Variants in ZNF804A observed in about 807,000 individuals in gnomAD.
ZNF804A encodes zinc finger protein 804A.
In ZNF804A, 2 loss-of-function variants were observed where a neutral mutation model predicts 16.5. The ratio of observed to expected loss-of-function variants is 0.12; its 90% CI spans 0.05 to 0.38. ZNF804A has a LOEUF of 0.38. Among genes scored for constraint, ZNF804A ranks in the 10% least tolerant of loss-of-function variants. The pLI is 0.99. For missense variants in ZNF804A, 1,473 were observed against 1,390.7 expected (o/e 1.06, Z -0.94); for synonymous variants, 534 against 489.6 (o/e 1.09, Z -1.20).
At chr2:184,644,059 T>C (rs999850741) in intron 1 of ZNF804A, among the ~76,000 whole-genome samples, 1 of 151,808 alleles carries the variant, frequency 6.6e-6, no homozygotes, top group Admixed American at 6.6e-5. Flanking sequence ...AGGTGAATCA[T>C]GTTAATTCAG....
At chr2:184,778,057 T>C (rs1161364441) in intron 1 of ZNF804A, among the ~76,000 whole-genome samples, 1 of 151,684 alleles carries the variant, frequency 6.6e-6, no homozygotes, top group Non-Finnish European at 1.5e-5. Flanking sequence ...GTTTAGAAGA[T>C]TCTACATTGG....
intron 1 of ZNF804A, among the ~76,000 whole-genome samples, chr2:184,829,900 A>G (rs1327363442): frequency 1.1e-5 from 1 of 94,352 alleles, no homozygotes; most frequent in Non-Finnish European, 2.1e-5. Flanking sequence ...TGTCTCTACC[A>G]AAAAAAAAAA....
chr2:184,832,979 T>G (rs946578290), intron 1 of ZNF804A, among the ~76,000 whole-genome samples: 1 of 152,018 alleles, frequency 6.6e-6, no homozygotes, highest in South Asian at 2.1e-4. Flanking sequence ...TTTATTGGAC[T>G]TATGCAAGAA....
At chr2:184,664,081 G>T (rs1254514935) in intron 1 of ZNF804A, among the ~76,000 whole-genome samples, 1 of 152,088 alleles carries the variant, frequency 6.6e-6, no homozygotes, top group Non-Finnish European at 1.5e-5. Context: ...AAACTATTTT[G>T]TATGTTTTAT....
intron 1 of ZNF804A, among the ~76,000 whole-genome samples, chr2:184,696,409 G>A (rs1427158336): frequency 6.6e-6 from 1 of 152,138 alleles, no homozygotes; most frequent in Non-Finnish European, 1.5e-5. Context: ...GGGCAAGTTA[G>A]AAATAAATGT....
chr2:184,691,056 A>T (rs1692717438), intron 1 of ZNF804A, among the ~76,000 whole-genome samples: 1 of 152,040 alleles, frequency 6.6e-6, no homozygotes, highest in Non-Finnish European at 1.5e-5. Flanking sequence ...TTTAAAAATA[A>T]GATATATTTA....
intron 1 of ZNF804A, among the ~76,000 whole-genome samples, chr2:184,762,922 T>C (rs1340318965): frequency 6.6e-6 from 1 of 152,182 alleles, no homozygotes; most frequent in Non-Finnish European, 1.5e-5. Flanking sequence ...CCAAGCATAC[T>C]CCTTAAATTA....
intron 1 of ZNF804A, among the ~76,000 whole-genome samples, chr2:184,607,567 T>C (rs563104980): frequency 6.6e-6 from 1 of 152,062 alleles, no homozygotes; most frequent in Non-Finnish European, 1.5e-5. Flanking sequence ...CATGATTCAA[T>C]TTCCTCCCAC....
intron 1 of ZNF804A, among the ~76,000 whole-genome samples, chr2:184,608,730 G>T (rs1169297559): frequency 6.6e-6 from 1 of 152,100 alleles, no homozygotes; most frequent in African/African-American, 2.4e-5. Flanking sequence ...ATGGATGATT[G>T]CAAGAGAAGG....
chr2:184,771,249 A>C (rs185941797), intron 1 of ZNF804A, among the ~76,000 whole-genome samples: 2 of 152,238 alleles, frequency 1.3e-5, no homozygotes, highest in East Asian at 3.9e-4. Flanking sequence ...CATTTTTGAC[A>C]ATAAGGTTGT....
At chr2:184,672,376 A>G (rs570330019) in intron 1 of ZNF804A, among the ~76,000 whole-genome samples, 18 of 152,318 alleles carry the variant, frequency 1.2e-4, no homozygotes, top group African/African-American at 4.3e-4. Flanking sequence ...ACTGACAATT[A>G]TTAGGCTATT....
intron 1 of ZNF804A, among the ~76,000 whole-genome samples, chr2:184,700,523 T>C (rs897934675): frequency 2.6e-5 from 4 of 152,054 alleles, no homozygotes; most frequent in African/African-American, 9.7e-5. Context: ...AAACACCATA[T>C]ATTTGACATA....
At chr2:184,874,292 T>A (rs1231255033) in intron 2 of ZNF804A, among the ~76,000 whole-genome samples, 1 of 152,096 alleles carries the variant, frequency 6.6e-6, no homozygotes. Context: ...ATGTGAAATA[T>A]ATTCTAATTA....
At chr2:184,805,356 A>C (rs10211213) in intron 1 of ZNF804A, among the ~76,000 whole-genome samples, 22,009 of 152,122 alleles carry the variant, frequency 0.14, 1,732 homozygotes, top group Middle Eastern at 0.24. Flanking sequence ...TACAAATGAT[A>C]TAATGTCTTA....
intron 2 of ZNF804A, among the ~76,000 whole-genome samples, chr2:184,917,183 C>T (rs1031782213): frequency 6.6e-6 from 1 of 152,142 alleles, no homozygotes; most frequent in Non-Finnish European, 1.5e-5. Flanking sequence ...CTAAGTTAAC[C>T]TGGCACCCAT....
At chr2:184,827,870 G>A (rs1459915633) in intron 1 of ZNF804A, among the ~76,000 whole-genome samples, 1 of 151,576 alleles carries the variant, frequency 6.6e-6, no homozygotes, top group Non-Finnish European at 1.5e-5. Flanking sequence ...CTGTTTACAC[G>A]TTGATATTCC....
intron 1 of ZNF804A, among the ~76,000 whole-genome samples, chr2:184,797,201 C>G (rs968372845): frequency 2.6e-5 from 4 of 152,120 alleles, no homozygotes; most frequent in African/African-American, 9.7e-5. Flanking sequence ...GTCTTCATGA[C>G]CTGCCTAGTG....
Position 184,750,507 on chromosome 2 carries a change from C to G in ZNF804A, c.112-115862C>G, listed in dbSNP as rs1451262087. Among the ~76,000 whole-genome samples, 50 of 151,162 alleles carry G rather than the reference C, an allele frequency of 3.3e-4. 1 individual carries two copies. The highest frequency in any genetic ancestry group is 1.6e-4 in the Non-Finnish European group (11 of 67,484). ...GTTGCACTAATCGTTTTTTAAATCA[C>G]TTTATTGAGATATGTTTGGGATACA... is the stretch of plus-strand genomic sequence containing the variant. On this transcript the variant is annotated intron_variant, in intron 1 of 3. Coordinates refer to ENST00000302277, the MANE Select transcript of ZNF804A (RefSeq NM_194250.2).
At chr2:184,925,926 C>G (rs1178476657) in intron 2 of ZNF804A, among the ~76,000 whole-genome samples, 1 of 151,430 alleles carries the variant, frequency 6.6e-6, no homozygotes, top group Non-Finnish European at 1.5e-5. Context: ...TTATTCTTTT[C>G]TTTTTGGAGA....
Sources: gnomAD v4.1 joint callset for allele counts (sites outside exome capture counted in the v4.1 genomes callset) on GRCh38, gnomAD v4.1.1 for gene constraint, MANE v1.5 for transcripts, NCBI Gene and HGNC (gene_info 2026-07-23, HGNC 2026-07-21) for gene names.